Variants in GPR39 observed in about 807,000 individuals in gnomAD.
The protein encoded by GPR39 is G protein-coupled receptor 39, also known as zinc sensing receptor.
Under a neutral mutation model 18.4 loss-of-function variants are expected in GPR39, and 23 were observed. The ratio of observed to expected loss-of-function variants is 1.25; its 90% CI spans 0.90 to 1.77. The LOEUF (loss-of-function observed/expected upper bound fraction) is 1.77. GPR39 is among the 40% of genes most tolerant of loss of function. GPR39 has a pLI of 0.00. For missense variants in GPR39, 647 were observed against 602.4 expected, an observed-to-expected ratio of 1.07 and a Z score of -0.78; for synonymous variants, 280 against 257.9, an observed-to-expected ratio of 1.09 and a Z score of -0.82.
At chr2:132,530,018 G>A (rs766327737) in intron 1 of GPR39, among the ~76,000 whole-genome samples, 2 of 152,154 alleles carry the variant, frequency 1.3e-5, no homozygotes, top group Non-Finnish European at 2.9e-5. Flanking sequence ...ACTTTGACGA[G>A]TTGAGAGAAG....
At chr2:132,556,478 C>T (rs1244237307) in intron 1 of GPR39, among the ~76,000 whole-genome samples, 1 of 152,108 alleles carries the variant, frequency 6.6e-6, no homozygotes, top group Non-Finnish European at 1.5e-5. Flanking sequence ...CAAGTTCTTT[C>T]CCTGCACATA....
At chr2:132,471,023 G>A (rs184493013) in intron 1 of GPR39, among the ~76,000 whole-genome samples, 1 of 152,274 alleles carries the variant, frequency 6.6e-6, no homozygotes, top group Non-Finnish European at 1.5e-5. Flanking sequence ...TGGCAAATCA[G>A]TACCCATGTG....
chr2:132,503,434 C>T (rs1414242963), intron 1 of GPR39, among the ~76,000 whole-genome samples: 1 of 152,220 alleles, frequency 6.6e-6, no homozygotes. Context: ...GTCTTCAGAT[C>T]TTCCAGTCGT....
chr2:132,582,011 G>T (rs1423468660), intron 1 of GPR39, among the ~76,000 whole-genome samples: 1 of 152,210 alleles, frequency 6.6e-6, no homozygotes, highest in East Asian at 1.9e-4. Flanking sequence ...AGTGCTGATT[G>T]GCAGTCCCAG....
At chr2:132,595,420 A>G (rs980689394) in intron 1 of GPR39, among the ~76,000 whole-genome samples, 19 of 152,178 alleles carry the variant, frequency 1.2e-4, no homozygotes, top group African/African-American at 3.9e-4. Context: ...TGTTTTTTTC[A>G]AGTGGGAAAT....
intron 1 of GPR39, among the ~76,000 whole-genome samples, chr2:132,585,238 G>A (rs1418350821): frequency 1.3e-5 from 2 of 151,990 alleles, no homozygotes; most frequent in Non-Finnish European, 2.9e-5. Context: ...GGCTCTCTGT[G>A]GGCCCTTGAA....
chr2:132,589,912 T>A (rs1680798617), intron 1 of GPR39, among the ~76,000 whole-genome samples: 1 of 152,204 alleles, frequency 6.6e-6, no homozygotes, highest in Non-Finnish European at 1.5e-5. Flanking sequence ...GGCATTGTAA[T>A]TTAATATGTG....
intron 1 of GPR39, among the ~76,000 whole-genome samples, chr2:132,585,952 T>TTTG (rs1680719595): frequency 1.5e-5 from 2 of 135,822 alleles, no homozygotes; most frequent in Admixed American, 7.3e-5. Context: ...TCCCCGGTTT[T>TTTG]TTTTTTTTTT....
chr2:132,495,455 G>A (rs2104799781), intron 1 of GPR39, among the ~76,000 whole-genome samples: 1 of 152,250 alleles, frequency 6.6e-6, no homozygotes, highest in South Asian at 2.1e-4. Context: ...GTCATAACAG[G>A]TTGGACTCCT....
chr2:132,589,195 C>T lies in GPR39; in HGVS notation c.857-55906C>T, dbSNP rs549726041. Among the ~76,000 whole-genome samples, 301 of 150,640 alleles carry T rather than the reference C, an allele frequency of 2.0e-3. 1 individual carries two copies. Among genetic ancestry groups the T allele is most frequent in the South Asian group, 8.1e-3 (39 of 4,794 alleles). ...CATGTCTGCAACAAAAGCTTGGAGG[C>T]AGCCTTTCTGGCCATGTCCCCCCCT... On this transcript the variant is annotated intron_variant, in intron 1 of 1. Coordinates refer to ENST00000329321, the MANE Select transcript of GPR39 (RefSeq NM_001508.3).
intron 1 of GPR39, among the ~76,000 whole-genome samples, chr2:132,639,478 G>A (rs1393737569): frequency 6.6e-6 from 1 of 152,178 alleles, no homozygotes; most frequent in Non-Finnish European, 1.5e-5. Flanking sequence ...ACAGTAAGTA[G>A]AAAAGCTAAT....
intron 1 of GPR39, among the ~76,000 whole-genome samples, chr2:132,513,313 A>G (rs1018806254): frequency 5.3e-5 from 8 of 152,216 alleles, no homozygotes; most frequent in Admixed American, 2.0e-4. Flanking sequence ...AATACAAAAA[A>G]TTAGCCGGGC....
At chr2:132,496,462 C>T (rs1230265888) in intron 1 of GPR39, among the ~76,000 whole-genome samples, 1 of 152,150 alleles carries the variant, frequency 6.6e-6, no homozygotes, top group African/African-American at 2.4e-5. Context: ...TAATCAGTCA[C>T]CTTAAAACAA....
chr2:132,623,611 C>A (rs533570337), intron 1 of GPR39, among the ~76,000 whole-genome samples: 8 of 152,332 alleles, frequency 5.3e-5, no homozygotes, highest in Non-Finnish European at 1.0e-4. Flanking sequence ...AAACCTGGCT[C>A]CTCACTAACT....
At chr2:132,443,980 TG>T (rs1462405200) in intron 1 of GPR39, among the ~76,000 whole-genome samples, 2 of 151,986 alleles carry the variant, frequency 1.3e-5, no homozygotes, top group East Asian at 3.9e-4. Flanking sequence ...GAGGCTGAGG[TG>T]GGAGGATCGC....
In GPR39 at chr2:132,417,650, A is replaced by G. The variant is rs773266820; in HGVS notation, c.608A>G (p.Glu203Gly). 70 of 1,613,996 alleles carry G rather than the reference A, an allele frequency of 4.3e-5. No homozygotes were observed. The East Asian group carries it at 1.5e-3, about 34-fold the overall frequency. Residue 203 changes from glutamate to glycine, a missense_variant, in exon 1 of 2, where the codon GAG becomes GGG. By Grantham distance (98) the Glu-to-Gly change is moderately conservative. Transcript: ENST00000329321. ...RSSTRHHEQP[E>G]TSNMSICTNL... ...AGCACCCGCCACCACGAGCAGCCCG[A>G]GACCTCCAATATGTCCATCTGTACC...
chr2:132,632,500 A>G (rs2104870894), intron 1 of GPR39, among the ~76,000 whole-genome samples: 1 of 152,174 alleles, frequency 6.6e-6, no homozygotes, highest in Non-Finnish European at 1.5e-5. Flanking sequence ...AAAGCATTGG[A>G]CTTTTGATCT....
intron 1 of GPR39, among the ~76,000 whole-genome samples, chr2:132,463,892 C>T (rs1384928059): frequency 6.6e-6 from 1 of 152,182 alleles, no homozygotes; most frequent in Non-Finnish European, 1.5e-5. Flanking sequence ...CAAGTTGGTG[C>T]AGGCTGCAGG....
chr2:132,515,019 A>G (rs572841469), intron 1 of GPR39, among the ~76,000 whole-genome samples: 31 of 152,152 alleles, frequency 2.0e-4, no homozygotes, highest in African/African-American at 6.0e-4. Flanking sequence ...TATATTTCCA[A>G]CAAAACAAAA....
Sources: gnomAD v4.1 joint callset for allele counts (sites outside exome capture counted in the v4.1 genomes callset) on GRCh38, gnomAD v4.1.1 for gene constraint, MANE v1.5 for transcripts, NCBI Gene and HGNC (gene_info 2026-07-23, HGNC 2026-07-21) for gene names.